Variants in KLC2 observed in about 807,000 individuals in gnomAD.
The protein encoded by KLC2 is kinesin light chain 2.
A neutral mutation model predicts 75.1 loss-of-function variants in KLC2; 35 were observed. That is an observed-to-expected ratio of 0.47 (90% CI 0.36 to 0.62). The LOEUF (loss-of-function observed/expected upper bound fraction) is 0.62. KLC2 is among the 20% of genes least tolerant of loss of function. KLC2 has a pLI of 0.00. For missense variants in KLC2, 611 were observed against 833.2 expected, an observed-to-expected ratio of 0.73 and a Z score of 3.28; for synonymous variants, 314 against 336.7, an observed-to-expected ratio of 0.93 and a Z score of 0.74.
At chr11:66,250,277 C>G in the KLC2 span, among the ~76,000 whole-genome samples, 1 of 147,620 alleles carries the variant, frequency 6.8e-6, no homozygotes, top group Admixed American at 6.9e-5. Flanking sequence ...GACAAAGACC[C>G]GAGCCGCCGG....
chr11:66,265,254 GGCT>G lies in KLC2; in HGVS notation c.1334+21_1334+23del. 1 of 1,541,054 alleles carries G rather than the reference GGCT, an allele frequency of 6.5e-7. No individual in the cohort carries two copies. The highest frequency in any genetic ancestry group is 9.0e-7 in the Non-Finnish European group (1 of 1,113,714). On this transcript the variant is annotated intron_variant, in intron 11 of 15. Transcript: ENST00000394067. ...TAGACAGGTGAGTGGGGCGGGGCTG[GGCT>G]GGGGAGCAGGGCACGGCAGGGCGGG...
intron 2 of KLC2, 103 bp from the exon 3 acceptor site, chr11:66,261,639 G>A (rs1856427683): frequency 2.9e-6 from 2 of 688,764 alleles, no homozygotes; most frequent in East Asian, 2.7e-5. Flanking sequence ...TGTAGGGCCA[G>A]GCCTGGCCCT....
At chr11:66,251,327 A>G in the KLC2 span, among the ~76,000 whole-genome samples, 2 of 112,166 alleles carry the variant, frequency 1.8e-5, 1 homozygote, top group African/African-American at 5.8e-5. Flanking sequence ...CCCTGTCTCT[A>G]CTAAAAATAC....
intron 4 of KLC2, 48 bp from the exon 5 acceptor site, chr11:66,262,766 G>A (rs116994875): frequency 4.1e-5 from 59 of 1,423,568 alleles, no homozygotes; most frequent in Non-Finnish European, 5.4e-5. Flanking sequence ...TGCCATCCCA[G>A]TCCAGTGGGC....
At position 66,266,861 on chromosome 11, in the gene KLC2, CT is replaced by C. The variant is rs754790912; in HGVS notation, c.1786-11del. The C allele has an allele frequency of 2.5e-6, 4 of 1,612,930 alleles. No individual in the cohort carries two copies. In the East Asian group the frequency reaches 8.9e-5, roughly 36 times the overall value. The stretch of plus-strand genomic sequence containing the variant: ...AGCACAGGGCTGAGCCACCTGCCCC[CT>C]CTGCCCACAGCCTGGAGGCACAGGT... On this transcript the variant is annotated splice_polypyrimidine_tract_variant and intron_variant, in intron 15 of 15. Transcript: ENST00000394067.
Position 66,267,639 on chromosome 11 carries a change from T to C in KLC2, c.*683T>C. 1 of 586,918 alleles carries C rather than the reference T, an allele frequency of 1.7e-6. No individual in the cohort carries two copies. Among genetic ancestry groups the C allele is most frequent in the Non-Finnish European group, 3.0e-6 (1 of 329,470 alleles). 36.4% of individuals were successfully genotyped at this position (586,918 alleles called of 1,614,324 possible). On this transcript the variant is annotated 3_prime_UTR_variant, in exon 16 of 16. Coordinates refer to ENST00000394067, the MANE Select transcript of KLC2 (RefSeq NM_001318734.2). ...CCGGGCCCTGCCCCGCATCCCGGCC[T>C]TATGCACTGCCCCTCCCACCCGGCC...
rs377530340 is a variant in KLC2, at chr11:66,264,389, C to T, written c.1161C>T (p.Thr387=). The T allele has an allele frequency of 1.6e-5, 26 of 1,613,606 alleles. No homozygotes were observed. Among genetic ancestry groups the T allele is most frequent in the Non-Finnish European group, 2.2e-5 (26 of 1,179,852 alleles). Residue 387 remains threonine (T), a synonymous_variant, in exon 9 of 16, where the codon ACC becomes ACT. Transcript: ENST00000394067. ...AGGGCAAGTACCAGGATGCGGAGAC[C>T]TTGTACAAGGAGATCCTCACCCGCG... ...LKQGKYQDAE[T]LYKEILTRAH... is the part of the protein sequence containing the mutation.
upstream of KLC2, among the ~76,000 whole-genome samples, chr11:66,255,088 G>C (rs971477741): frequency 5.9e-5 from 9 of 152,218 alleles, no homozygotes; most frequent in Non-Finnish European, 7.3e-5. Context: ...TTTCCTCCCT[G>C]TGAACAGAAC....
chr11:66,261,648 CT>C (rs1391169739), intron 2 of KLC2, 93 bp from the exon 3 acceptor site: 14 of 755,690 alleles, frequency 1.9e-5, no homozygotes, highest in African/African-American at 5.3e-5. Context: ...AGGCCTGGCC[CT>C]TCACTGGGTG....
chr11:66,260,901 T>C (rs545003774), intron 2 of KLC2: 1 of 151,634 alleles, frequency 6.6e-6, no homozygotes, highest in African/African-American at 2.4e-5. Context: ...GGCCAAAAAA[T>C]TTTTTAAATT....
At chr11:66,249,492 G>A in the KLC2 span, among the ~76,000 whole-genome samples, 1 of 152,208 alleles carries the variant, frequency 6.6e-6, no homozygotes, top group African/African-American at 2.4e-5. Flanking sequence ...AGGACTGACA[G>A]CATTAATAGC....
chr11:66,258,402 G>T (rs929973334), intron 1 of KLC2, 182 bp from the exon 2 acceptor site: 2 of 591,884 alleles, frequency 3.4e-6, no homozygotes, highest in Non-Finnish European at 6.0e-6. Context: ...CGTCTCCCAG[G>T]CCTAGACAAG....
At position 66,264,444 on chromosome 11, in the gene KLC2, G is replaced by A. The variant is rs991109732; in HGVS notation, c.1216G>A (p.Gly406Arg). ...TGAGAAAGAGTTTGGCTCTGTCAAT[G>A]GTGAGTGCGTGGTCACCAGGTGCCT... ...AHEKEFGSVN[G>R]DNKPIWMHAE... The change falls in exon 9 of 16, where the codon GGG becomes AGG. Residue 406 changes from glycine to arginine, a missense_variant and splice_region_variant. By Grantham distance (125) the Gly-to-Arg change is moderately radical. Transcript: ENST00000394067. The A allele has an allele frequency of 2.5e-6, 4 of 1,609,616 alleles. No individual in the cohort carries two copies. In the African/African-American group the frequency reaches 5.3e-5, roughly 22 times the overall value.
In KLC2 at chr11:66,267,292, C is replaced by G. The variant is rs1025864027; in HGVS notation, c.*336C>G. 1 of 1,025,098 alleles carries G rather than the reference C, an allele frequency of 9.8e-7. No individual in the cohort carries two copies. The highest frequency in any genetic ancestry group is 1.6e-5 in the African/African-American group (1 of 62,894). The allele number at this position is 1,025,098 out of a possible 1,614,324, so 63.5% of individuals were successfully genotyped here. A position where few individuals can be genotyped will look rare whatever the true frequency, so the allele number is the denominator to read the frequency against. ...GAACACTAAGCACTCGCCGGCCCTT[C>G]GGCACCCTCGCCCTCCCTCCCGACT... On this transcript the variant is annotated 3_prime_UTR_variant, in exon 16 of 16. Transcript: ENST00000394067.
At chr11:66,256,288 TC>T (rs1366518640), upstream of KLC2, among the ~76,000 whole-genome samples, 1 of 151,238 alleles carries the variant, frequency 6.6e-6, no homozygotes, top group Non-Finnish European at 1.5e-5. Flanking sequence ...AGTCCTAGCT[TC>T]TTGGGAGGCT....
the KLC2 span, among the ~76,000 whole-genome samples, chr11:66,251,703 C>T: frequency 6.6e-6 from 1 of 152,172 alleles, no homozygotes; most frequent in Non-Finnish European, 1.5e-5. Context: ...ACCCTGGTAG[C>T]AGAGGTTACA....
At chr11:66,266,696 A>T in intron 15 of KLC2, 177 bp from the exon 16 acceptor site, 1 of 838,306 alleles carries the variant, frequency 1.2e-6, no homozygotes, top group Non-Finnish European at 2.0e-6. Flanking sequence ...TAACACCGTC[A>T]CTGTGGAGAT....
At chr11:66,249,954 C>T in the KLC2 span, among the ~76,000 whole-genome samples, 5 of 152,140 alleles carry the variant, frequency 3.3e-5, no homozygotes, top group African/African-American at 4.8e-5. Context: ...CCTCCCAGTG[C>T]CCTCTGAATA....
In KLC2 at chr11:66,265,761, C is replaced by T. The variant is rs1856777622; in HGVS notation, c.1441C>T (p.Gln481Ter). The T allele has an allele frequency of 6.2e-7, 1 of 1,613,400 alleles. No homozygotes were observed. The highest frequency in any genetic ancestry group is 8.5e-7 in the Non-Finnish European group (1 of 1,179,588). ...LEDCASRNRK[Q>*]GLDPASQTKV... Reference sequence around the variant, plus strand: ...GGACTGTGCCAGCCGTAACCGCAAGCAGGTGGGGCTCCATGCAGGAGGGGG... The same window carrying T: ...GGACTGTGCCAGCCGTAACCGCAAGTAGGTGGGGCTCCATGCAGGAGGGGG... Residue 481 changes from glutamine to a stop codon, truncating the protein, a stop_gained and splice_region_variant, in exon 12 of 16, where the codon CAG (glutamine) becomes TAG (stop). Coordinates refer to ENST00000394067, the MANE Select transcript of KLC2 (RefSeq NM_001318734.2). LOFTEE classifies it high-confidence loss of function.
Sources: allele counts gnomAD v4.1 joint callset (sites outside exome capture counted in the v4.1 genomes callset), GRCh38; gene constraint gnomAD v4.1.1; transcripts MANE v1.5; gene names NCBI Gene and HGNC (gene_info 2026-07-23, HGNC 2026-07-21).